Variants in ELOVL2 observed in about 807,000 individuals in gnomAD.
ELOVL2 encodes very long chain fatty acid elongase 2.
Under a neutral mutation model 37.7 loss-of-function variants are expected in ELOVL2, and 38 were observed. That is an observed-to-expected ratio of 1.01 (90% CI 0.78 to 1.32). ELOVL2 has a LOEUF of 1.32. Among genes scored for constraint, ELOVL2 ranks in the 40% most tolerant of loss-of-function variants. The pLI, the probability that ELOVL2 is intolerant of heterozygous loss-of-function variation, is 0.00. For synonymous variants in ELOVL2, 115 were observed against 122.3 expected, an observed-to-expected ratio of 0.94 and a Z score of 0.40; for missense variants, 352 against 363.6, an observed-to-expected ratio of 0.97 and a Z score of 0.26.
At position 11,044,287 on chromosome 6, in the gene ELOVL2, T is replaced by A; in HGVS notation, c.-57A>T. The A allele has an allele frequency of 8.0e-7, 1 of 1,253,910 alleles. No homozygotes were observed. Among genetic ancestry groups the A allele is most frequent in the Non-Finnish European group, 1.0e-6 (1 of 998,976 alleles). 77.7% of individuals were successfully genotyped at this position (1,253,910 alleles called of 1,614,324 possible). A position where few individuals can be genotyped will look rare whatever the true frequency, so the allele number is the denominator to read the frequency against. ...GCGGGCGGCGATGCGCTGTCCAGGGTAGCCGGGTCCCTCTGCCCGGCGCTA... is the reference window on the plus strand; with the variant it reads ...GCGGGCGGCGATGCGCTGTCCAGGGAAGCCGGGTCCCTCTGCCCGGCGCTA... On this transcript the variant is annotated 5_prime_UTR_variant, in exon 1 of 8. Transcript: ENST00000354666. The surrounding 1 kb of genome is among the most constrained non-coding windows in gnomAD (Gnocchi z 5.6).
chr6:11,005,966 C>G (rs540176277), intron 2 of ELOVL2, among the ~76,000 whole-genome samples: 104 of 152,256 alleles, frequency 6.8e-4, no homozygotes, highest in Middle Eastern at 6.8e-3. Flanking sequence ...GTCGGCAGTA[C>G]AGTCAGGATT....
At chr6:11,026,025 A>G (rs1191709934) in intron 1 of ELOVL2, among the ~76,000 whole-genome samples, 1 of 152,154 alleles carries the variant, frequency 6.6e-6, no homozygotes, top group Non-Finnish European at 1.5e-5. Context: ...GTGGTGAGAA[A>G]CATTCCTGAG....
Position 10,990,446 on chromosome 6 carries a change from TA to T in ELOVL2, c.506-5del. ...TTCAGTGTTGGTCCAAAGAAACCTA[TA>T]AAAGTACAGTATAAAAATCACTATT... On this transcript the variant is annotated splice_polypyrimidine_tract_variant and splice_region_variant and intron_variant, in intron 5 of 7. Coordinates refer to ENST00000354666, the MANE Select transcript of ELOVL2 (RefSeq NM_017770.4). 6.3e-7 allele frequency: 1 copy of T among 1,582,804 alleles called. No individual in the cohort carries two copies. The highest frequency in any genetic ancestry group is 1.4e-5 in the African/African-American group (1 of 73,018).
intron 4 of ELOVL2, among the ~76,000 whole-genome samples, chr6:10,996,409 T>C (rs972936858): frequency 3.3e-5 from 5 of 152,134 alleles, no homozygotes; most frequent in African/African-American, 1.2e-4. Context: ...TTGAAGACGT[T>C]TTTAAAATGT....
At chr6:11,015,680 T>TC (rs1782672801) in intron 1 of ELOVL2, 1 of 152,170 alleles carries the variant, frequency 6.6e-6, no homozygotes, top group Non-Finnish European at 1.5e-5. Flanking sequence ...AATGTGCAGC[T>TC]CCTAGTGCTG....
intron 3 of ELOVL2, among the ~76,000 whole-genome samples, chr6:11,004,096 AG>A (rs1242131677): frequency 6.6e-6 from 1 of 151,834 alleles, no homozygotes; most frequent in African/African-American, 2.4e-5. Flanking sequence ...AAAAAAAAAA[AG>A]TTGTCAGCAT....
chr6:10,990,803 TTG>T (rs1388903238), intron 5 of ELOVL2, among the ~76,000 whole-genome samples: 3 of 152,236 alleles, frequency 2.0e-5, no homozygotes, highest in African/African-American at 7.2e-5. Flanking sequence ...TGAAATAGAA[TTG>T]TCTTTGCTTT....
chr6:11,008,377 G>A (rs1167206133), intron 2 of ELOVL2, among the ~76,000 whole-genome samples: 1 of 152,228 alleles, frequency 6.6e-6, no homozygotes, highest in African/African-American at 2.4e-5. Context: ...AAAGCTCAGT[G>A]AACTTGGCGC....
intron 5 of ELOVL2, 57 bp downstream of exon 5, chr6:10,994,950 C>T: frequency 2.2e-6 from 3 of 1,367,382 alleles, no homozygotes; most frequent in Middle Eastern, 2.2e-4. Flanking sequence ...TACAAGACAG[C>T]ACCAGTGGTC....
intron 7 of ELOVL2, among the ~76,000 whole-genome samples, chr6:10,987,362 G>A (rs1344750903): frequency 6.6e-6 from 1 of 152,040 alleles, no homozygotes; most frequent in East Asian, 1.9e-4. Context: ...GTTCTGCTCT[G>A]ATTTTAGTTA....
intron 2 of ELOVL2, among the ~76,000 whole-genome samples, chr6:11,009,512 G>A (rs1782536821): frequency 6.6e-6 from 1 of 152,142 alleles, no homozygotes; most frequent in Non-Finnish European, 1.5e-5. Context: ...CCTTAGAGAG[G>A]CAAAGCCCAA....
chr6:11,029,787 G>GA (rs1446467262), intron 1 of ELOVL2, among the ~76,000 whole-genome samples: 1 of 152,196 alleles, frequency 6.6e-6, no homozygotes, highest in Non-Finnish European at 1.5e-5. Flanking sequence ...GTTTTTGTGG[G>GA]AAAAGAGAAA....
chr6:11,039,481 G>C (rs1783068539), intron 1 of ELOVL2, among the ~76,000 whole-genome samples: 1 of 152,014 alleles, frequency 6.6e-6, no homozygotes, highest in African/African-American at 2.4e-5. Context: ...ATATTCCCAG[G>C]GTACATGTGA....
In ELOVL2 at chr6:11,005,618, G is replaced by A; in HGVS notation, c.68-59C>T. ...GAATGATGCTCCTGTTTAGTCATCA[G>A]TATTGTCACATACATTGCATTTGTA... On this transcript the variant is annotated intron_variant, in intron 2 of 7. Coordinates refer to ENST00000354666, the MANE Select transcript of ELOVL2 (RefSeq NM_017770.4). The A allele has an allele frequency of 2.1e-6, 3 of 1,402,496 alleles. No individual in the cohort carries two copies. The Admixed American group carries it at 5.5e-5, about 26-fold the overall frequency. The allele number at this position is 1,402,496 out of a possible 1,614,324, so 86.9% of individuals were successfully genotyped here.
chr6:10,991,706 G>A (rs553461937), intron 5 of ELOVL2, among the ~76,000 whole-genome samples: 7 of 152,146 alleles, frequency 4.6e-5, no homozygotes, highest in Admixed American at 6.5e-5. Flanking sequence ...CTGTTACGGC[G>A]CTTGAATTTA....
Position 10,983,700 on chromosome 6 carries a change from CAT to C in ELOVL2, c.*79_*80del. 2.1e-6 allele frequency: 3 copies of C among 1,436,840 alleles called. No homozygotes were observed. Among genetic ancestry groups the C allele is most frequent in the Non-Finnish European group, 2.8e-6 (3 of 1,072,672 alleles). 89.0% of individuals were successfully genotyped at this position (1,436,840 alleles called of 1,614,324 possible). A position where few individuals can be genotyped will look rare whatever the true frequency, so the allele number is the denominator to read the frequency against. ...CAAAAGAAATTAGTTTATCCTAAAACATGTAACCTTCAATTCAGTCTTTGCTT... is the reference window on the plus strand; with the variant it reads ...CAAAAGAAATTAGTTTATCCTAAAACGTAACCTTCAATTCAGTCTTTGCTT... On this transcript the variant is annotated 3_prime_UTR_variant, in exon 8 of 8. Coordinates refer to ENST00000354666, the MANE Select transcript of ELOVL2 (RefSeq NM_017770.4).
rs377580517 is a variant in ELOVL2 at position 11,005,481 on chromosome 6, A to G, written c.146T>C (p.Ile49Thr). Residue 49 changes from isoleucine to threonine, a missense_variant, in exon 3 of 8, where the codon ATA becomes ACA. Transcript: ENST00000354666. ...FFLTVMYLLSIWLGNKYMKNR... is the reference protein window; with the variant it reads ...FFLTVMYLLSTWLGNKYMKNR... ...CTTCATATACTTGTTACCCAGCCAT[A>G]TTGAGAGCAGATACATGACAGTAAG... 62 of 1,614,018 alleles carry G rather than the reference A, an allele frequency of 3.8e-5. No individual in the cohort carries two copies. The Middle Eastern group carries it at 3.0e-3, about 77-fold the overall frequency.
intron 1 of ELOVL2, among the ~76,000 whole-genome samples, chr6:11,028,882 C>T (rs1445474133): frequency 1.3e-5 from 2 of 151,838 alleles, no homozygotes; most frequent in Non-Finnish European, 2.9e-5. Flanking sequence ...AGAGGTAAAG[C>T]AACTTGCCTG....
chr6:11,042,667 GAGAT>G lies in ELOVL2; in HGVS notation c.3+1557_3+1560del, dbSNP rs550756590. ...GCATGAAGCGACAGACAAGGCATAAGAGATAGCCGCCTAGACTCGTCATTGAAGG... is the reference window on the plus strand; with the variant it reads ...GCATGAAGCGACAGACAAGGCATAAGAGCCGCCTAGACTCGTCATTGAAGG... On this transcript the variant is annotated intron_variant, in intron 1 of 7. Coordinates refer to ENST00000354666, the MANE Select transcript of ELOVL2 (RefSeq NM_017770.4). Among the ~76,000 whole-genome samples, 27 of 151,988 alleles carry G rather than the reference GAGAT, an allele frequency of 1.8e-4. No individual in the cohort carries two copies. The South Asian group carries it at 4.2e-3, about 23-fold the overall frequency.
Sources: gnomAD v4.1 joint callset for allele counts (sites outside exome capture counted in the v4.1 genomes callset) on GRCh38, gnomAD v4.1.1 for gene constraint, Gnocchi (gnomAD v3.1) non-coding constraint, MANE v1.5 for transcripts, NCBI Gene and HGNC (gene_info 2026-07-23, HGNC 2026-07-21) for gene names.